TOMM70: variants seen among roughly 807,000 people sequenced by gnomAD.
TOMM70 encodes the protein translocase of outer mitochondrial membrane 70, also known as mitochondrial import receptor subunit TOM70.
A neutral mutation model predicts 73.6 loss-of-function variants in TOMM70; 13 were observed. That is an observed-to-expected ratio of 0.18 (90% CI 0.11 to 0.28). The LOEUF (loss-of-function observed/expected upper bound fraction) is 0.28. Ranked by LOEUF, TOMM70 falls within the 10% of genes least tolerant of loss-of-function variation. The pLI is 1.00. For synonymous variants in TOMM70, 257 were observed against 271.2 expected (o/e 0.95, Z 0.51); for missense variants, 609 against 747.5 (o/e 0.81, Z 2.16).
At chr3:100,385,076 T>A (rs1297012566) in intron 3 of TOMM70, among the ~76,000 whole-genome samples, 1 of 152,216 alleles carries the variant, frequency 6.6e-6, no homozygotes, top group Admixed American at 6.5e-5. Context: ...AAGTAAGTGG[T>A]TCCTTAACCT....
intron 5 of TOMM70, among the ~76,000 whole-genome samples, chr3:100,378,734 C>T (rs1411677374): frequency 6.6e-6 from 1 of 151,988 alleles, no homozygotes; most frequent in Non-Finnish European, 1.5e-5. Context: ...TGGCTGGATG[C>T]GGTGGCTCAC....
intron 4 of TOMM70, among the ~76,000 whole-genome samples, chr3:100,383,046 ATACATTATTTTATATTTTCTTACCATCTT>A: frequency 6.6e-6 from 1 of 152,322 alleles, no homozygotes; most frequent in Non-Finnish European, 1.5e-5. Context: ...CTATGTAAAT[ATACATTATTTTATATTTTCTTACCATCTT>A]GCAATCCAAC....
At chr3:100,368,471 G>A (rs1054508060) in intron 10 of TOMM70, among the ~76,000 whole-genome samples, 1 of 152,140 alleles carries the variant, frequency 6.6e-6, no homozygotes, top group Non-Finnish European at 1.5e-5. Flanking sequence ...GCAAGGACAC[G>A]AACACTTGTG....
intron 1 of TOMM70, among the ~76,000 whole-genome samples, chr3:100,390,748 G>A (rs552871343): frequency 2.6e-5 from 4 of 152,174 alleles, no homozygotes; most frequent in South Asian, 4.2e-4. Flanking sequence ...AGAATCACGC[G>A]AACCTGGGAG....
At chr3:100,399,734 A>ATTTTTTT (rs34524680) in intron 1 of TOMM70, among the ~76,000 whole-genome samples, 2 of 126,054 alleles carry the variant, frequency 1.6e-5, no homozygotes, top group Admixed American at 8.0e-5. Context: ...AGTCACTCCC[A>ATTTTTTT]TTTTTTTTTT....
intron 6 of TOMM70, among the ~76,000 whole-genome samples, chr3:100,375,692 C>A (rs56083823): frequency 2.0e-5 from 3 of 152,136 alleles, no homozygotes; most frequent in Admixed American, 2.0e-4. Context: ...ATAAATAATG[C>A]TGCTATGAAC....
rs1706420216 is a variant in TOMM70, at chr3:100,363,893, ATTGACT to A, written c.*1665_*1670del. The A allele has an allele frequency of 6.6e-6, 1 of 152,192 alleles. No homozygotes were observed. The highest frequency in any genetic ancestry group is 6.5e-5 in the Admixed American group (1 of 15,274). The allele number at this position is 152,192 out of a possible 1,614,324, so 9.4% of individuals were successfully genotyped here. On this transcript the variant is annotated 3_prime_UTR_variant, in exon 12 of 12. Transcript: ENST00000284320. The stretch of plus-strand genomic sequence containing the variant: ...GTGACCTCCTCAATATTTTCCAAAG[ATTGACT>A]TTGAAAGGGAGTCATTTCTAATAGT...
At chr3:100,392,369 C>T (rs1304735601) in intron 1 of TOMM70, among the ~76,000 whole-genome samples, 2 of 152,124 alleles carry the variant, frequency 1.3e-5, no homozygotes, top group Non-Finnish European at 2.9e-5. Context: ...TCAGGTAATA[C>T]ACCAAAGAAA....
intron 10 of TOMM70, 37 bp downstream of exon 10, chr3:100,369,000 AT>A: frequency 6.8e-7 from 1 of 1,466,808 alleles, no homozygotes; most frequent in African/African-American, 1.4e-5. Context: ...TATGCAAGAA[AT>A]TTATTATCTC....
intron 9 of TOMM70, among the ~76,000 whole-genome samples, chr3:100,371,262 T>TC (rs1305379872): frequency 1.1e-3 from 114 of 107,474 alleles, no homozygotes; most frequent in Admixed American, 1.6e-3. Context: ...CGATGGTATT[T>TC]TTTTTTTTTT....
Position 100,372,670 on chromosome 3 carries a change from T to C in TOMM70, c.1388A>G (p.Lys463Arg). The change falls in exon 9 of 12, where the codon AAA (lysine) becomes AGA (arginine). Residue 463 changes from lysine (K) to arginine (R), a missense_variant. Coordinates refer to ENST00000284320, the MANE Select transcript of TOMM70 (RefSeq NM_014820.5). ...TTTCTTTATGACCTCTTCAAAACCT[T>C]TCATAGCTGCTTGGATTTGTGAAGA... is the stretch of plus-strand genomic sequence containing the variant. ...NNSSQIQAAMKGFEEVIKKFP... is the reference protein window; with the variant it reads ...NNSSQIQAAMRGFEEVIKKFP... The C allele has an allele frequency of 1.2e-6, 2 of 1,614,104 alleles. No individual in the cohort carries two copies. The highest frequency in any genetic ancestry group is 1.3e-5 in the African/African-American group (1 of 75,036).
chr3:100,386,722 G>A, intron 2 of TOMM70, 83 bp downstream of exon 2: 2 of 1,461,090 alleles, frequency 1.4e-6, no homozygotes, highest in Non-Finnish European at 1.9e-6. Flanking sequence ...AAATGTATTA[G>A]GTTTATTTGA....
At position 100,364,422 on chromosome 3, in the gene TOMM70, C is replaced by G. The variant is rs1333724871; in HGVS notation, c.*1142G>C. On this transcript the variant is annotated 3_prime_UTR_variant, in exon 12 of 12. Transcript: ENST00000284320. ...ATGCTCTGGCTCCAAGTCTTACATC[C>G]TTTTTGACCCTTTAGCCACATGTCC... 6.6e-6 allele frequency: 1 copy of G among 152,192 alleles called. No homozygotes were observed. Among genetic ancestry groups the G allele is most frequent in the Non-Finnish European group, 1.5e-5 (1 of 68,032 alleles). The allele number at this position is 152,192 out of a possible 1,614,324, so 9.4% of individuals were successfully genotyped here. A position where few individuals can be genotyped will look rare whatever the true frequency, so the allele number is the denominator to read the frequency against.
chr3:100,365,932 T>A lies in TOMM70; in HGVS notation c.1674-215A>T, dbSNP rs1030506092. Among the ~76,000 whole-genome samples, 28 of 152,238 alleles carry A rather than the reference T, an allele frequency of 1.8e-4. 1 individual carries two copies. The highest frequency in any genetic ancestry group is 2.9e-5 in the Non-Finnish European group (2 of 68,050). ...AAATAAACAAGAGTACCTACCACATTGAAAGCACTCAATGAATGTCAACTA... is the reference window on the plus strand; with the variant it reads ...AAATAAACAAGAGTACCTACCACATAGAAAGCACTCAATGAATGTCAACTA... On this transcript the variant is annotated intron_variant, in intron 11 of 11. Transcript: ENST00000284320.
intron 6 of TOMM70, 134 bp downstream of exon 6, chr3:100,377,571 A>C: frequency 2.8e-6 from 2 of 705,298 alleles, no homozygotes; most frequent in South Asian, 3.7e-5. Context: ...CATTATTATT[A>C]AGAGTAGTTT....
intron 1 of TOMM70, among the ~76,000 whole-genome samples, chr3:100,392,888 T>C (rs771580671): frequency 2.6e-5 from 4 of 151,940 alleles, no homozygotes; most frequent in Admixed American, 6.6e-5. Flanking sequence ...TGCAAAGATA[T>C]GGAACTGGCC....
In TOMM70 at chr3:100,369,166, G is replaced by A. The variant is rs529274465; in HGVS notation, c.1453-31C>T. 21 of 1,490,144 alleles carry A rather than the reference G, an allele frequency of 1.4e-5. No individual in the cohort carries two copies. In the South Asian group the frequency reaches 1.7e-4, roughly 12 times the overall value. The allele number at this position is 1,490,144 out of a possible 1,614,324, so 92.3% of individuals were successfully genotyped here. The stretch of plus-strand genomic sequence containing the variant: ...TGAGGAGATACTTCAGTTATATTAA[G>A]GTAACCGTCAACCTAAGCAGTTAAA... On this transcript the variant is annotated intron_variant, in intron 9 of 11. Transcript: ENST00000284320.
intron 1 of TOMM70, among the ~76,000 whole-genome samples, chr3:100,398,373 G>C (rs753403580): frequency 3.9e-5 from 5 of 129,090 alleles, no homozygotes; most frequent in Non-Finnish European, 7.7e-5. Flanking sequence ...GACAGGGTTA[G>C]ACGCTGTCTC....
intron 9 of TOMM70, 142 bp from the exon 10 acceptor site, chr3:100,369,277 T>G: frequency 1.6e-6 from 1 of 644,590 alleles, no homozygotes; most frequent in African/African-American, 1.9e-5. Context: ...GATTTACATT[T>G]TACATCTTAA....
Sources: allele counts gnomAD v4.1 joint callset (sites outside exome capture counted in the v4.1 genomes callset), GRCh38; gene constraint gnomAD v4.1.1; transcripts MANE v1.5; gene names NCBI Gene and HGNC (gene_info 2026-07-23, HGNC 2026-07-21).